The following MEGF8 variants were observed in gnomAD, a reference collection of about 807,000 sequenced individuals.
MEGF8 encodes the protein multiple epidermal growth factor-like domains protein 8.
Under a neutral mutation model 302.9 loss-of-function variants are expected in MEGF8, and 156 were observed. The ratio of observed to expected loss-of-function variants is 0.52; its 90% CI spans 0.45 to 0.59. The LOEUF is 0.59. Among genes scored for constraint, MEGF8 ranks in the 20% least tolerant of loss-of-function variants. The pLI, the probability that MEGF8 is intolerant of heterozygous loss-of-function variation, is 0.00. For synonymous variants in MEGF8, 1,621 were observed against 1,660.5 expected, an observed-to-expected ratio of 0.98 and a Z score of 0.58; for missense variants, 3,345 against 3,964.5, an observed-to-expected ratio of 0.84 and a Z score of 4.20.
Position 42,349,749 on chromosome 19 carries a change from G to C in MEGF8, c.2499+50G>C, listed in dbSNP as rs750006210. 5.1e-6 allele frequency: 8 copies of C among 1,573,808 alleles called. No homozygotes were observed. In the Admixed American group the frequency reaches 1.2e-4, roughly 23 times the overall value. The stretch of plus-strand genomic sequence containing the variant: ...ACCCTAGCCGCAGGCCCCAGCCTCA[G>C]ATCACCTGGGCTTTCTGAACCCCAG... On this transcript the variant is annotated intron_variant, in intron 14 of 41. Coordinates refer to ENST00000251268, the MANE Select transcript of MEGF8 (RefSeq NM_001271938.2).
chr19:42,335,934 G>A lies in MEGF8; in HGVS notation c.832G>A (p.Ala278Thr). 6.8e-7 allele frequency: 1 copy of A among 1,465,700 alleles called. No individual in the cohort carries two copies. Among genetic ancestry groups the A allele is most frequent in the Non-Finnish European group, 9.0e-7 (1 of 1,108,362 alleles). 90.8% of individuals were successfully genotyped at this position (1,465,700 alleles called of 1,614,324 possible). Reference sequence around the variant, plus strand: ...GTCTCTTTTCTCTTCCTCACAGGCTGCCCGTCACTCCCATGTGGCCGTGGC... The same window carrying A: ...GTCTCTTTTCTCTTCCTCACAGGCTACCCGTCACTCCCATGTGGCCGTGGC... ...ESWDLSPAPA[A>T]RHSHVAVAWA... Residue 278 changes from alanine to threonine, a missense_variant, in exon 6 of 42, where the codon GCC becomes ACC. Transcript: ENST00000251268.
rs546385556 is a variant in MEGF8, at chr19:42,351,064, C to G, written c.2737-152C>G. On this transcript the variant is annotated intron_variant, in intron 15 of 41. Coordinates refer to ENST00000251268, the MANE Select transcript of MEGF8 (RefSeq NM_001271938.2). The surrounding 1 kb of genome is among the most constrained non-coding windows in gnomAD (Gnocchi z 5.6). ...GGGCCGACCCATGGGTGTCTGTGGTCGAAGGGAGGGGTCCAGAGACGCAGG... is the reference window on the plus strand; with the variant it reads ...GGGCCGACCCATGGGTGTCTGTGGTGGAAGGGAGGGGTCCAGAGACGCAGG... 4.3e-6 allele frequency: 3 copies of G among 691,676 alleles called. No individual in the cohort carries two copies. Among genetic ancestry groups the G allele is most frequent in the South Asian group, 1.9e-5 (1 of 52,238 alleles). 42.8% of individuals were successfully genotyped at this position (691,676 alleles called of 1,614,324 possible). A position where few individuals can be genotyped will look rare whatever the true frequency, so the allele number is the denominator to read the frequency against.
At chr19:42,332,026 AT>A (rs945120896) in intron 1 of MEGF8, among the ~76,000 whole-genome samples, 2 of 134,468 alleles carry the variant, frequency 1.5e-5, no homozygotes, top group East Asian at 2.2e-4. Flanking sequence ...TAATTTTTGT[AT>A]TTTTTTTTAG....
chr19:42,327,964 G>A (rs1174815884), intron 1 of MEGF8, among the ~76,000 whole-genome samples: 14 of 152,150 alleles, frequency 9.2e-5, no homozygotes, highest in Admixed American at 5.9e-4. Context: ...GTGTGATGGC[G>A]CGCGCCTGTA....
Position 42,370,843 on chromosome 19 carries a change from CGGGGGGGGGGGGGGGGGGG to C in MEGF8, c.7136+23_7136+41del, listed in dbSNP as rs748624378. On this transcript the variant is annotated intron_variant, in intron 40 of 41. Coordinates refer to ENST00000251268, the MANE Select transcript of MEGF8 (RefSeq NM_001271938.2). ...GGGAAGTGCACCAAGTAAGAGGAAC[CGGGGGGGGGGGGGGGGGGG>C]GGGGGGGGGGAGGCCGGGGATCCCA... The C allele has an allele frequency of 0.021, 2,799 of 132,404 alleles. 356 individuals carry two copies. Among genetic ancestry groups the C allele is most frequent in the Admixed American group, 0.032 (264 of 8,278 alleles). The allele number at this position is 132,404 out of a possible 1,614,324, so 8.2% of individuals were successfully genotyped here.
intron 35 of MEGF8, among the ~76,000 whole-genome samples, chr19:42,367,306 T>G (rs981575888): frequency 6.6e-6 from 1 of 150,500 alleles, no homozygotes; most frequent in Non-Finnish European, 1.5e-5. Flanking sequence ...TTTTTTTTTT[T>G]GAGACGGAGT....
In MEGF8 at chr19:42,357,427, A is replaced by G; in HGVS notation, c.4854A>G (p.Pro1618=). The G allele has an allele frequency of 6.2e-7, 1 of 1,613,478 alleles. No homozygotes were observed. The highest frequency in any genetic ancestry group is 1.1e-5 in the South Asian group (1 of 91,062). Residue 1618 remains proline, a synonymous_variant, in exon 28 of 42, where the codon CCA becomes CCG. Transcript: ENST00000251268. This position sits in a 1 kb window ranked among gnomAD's most constrained non-coding sequence, Gnocchi z 5.2. ...AGGCCCCCCAGACCGTGGAGCTGCC[A>G]GCCGTTGCTGGTCACACCCTTACTG... ...QEKAPQTVEL[P]AVAGHTLTAR...
chr19:42,344,875 T>A lies in MEGF8; in HGVS notation c.2097+42T>A. On this transcript the variant is annotated intron_variant, in intron 12 of 41. Coordinates refer to ENST00000251268, the MANE Select transcript of MEGF8 (RefSeq NM_001271938.2). The surrounding 1 kb of genome is among the most constrained non-coding windows in gnomAD (Gnocchi z 4.5). ...GCCCTGGGTGGGGTGTTGATGATCC[T>A]GATCCTAGGGTTTGTTTTTTCTCAA... 7 of 1,489,682 alleles carry A rather than the reference T, an allele frequency of 4.7e-6. No homozygotes were observed. Among genetic ancestry groups the A allele is most frequent in the Non-Finnish European group, 6.3e-6 (7 of 1,114,952 alleles). The allele number at this position is 1,489,682 out of a possible 1,614,324, so 92.3% of individuals were successfully genotyped here. A position where few individuals can be genotyped will look rare whatever the true frequency, so the allele number is the denominator to read the frequency against.
chr19:42,336,686 G>T lies in MEGF8; in HGVS notation c.1245-121G>T. 1.4e-6 allele frequency: 2 copies of T among 1,404,000 alleles called. No individual in the cohort carries two copies. The highest frequency in any genetic ancestry group is 2.3e-5 in the East Asian group (1 of 42,854). The allele number at this position is 1,404,000 out of a possible 1,614,324, so 87.0% of individuals were successfully genotyped here. A position where few individuals can be genotyped will look rare whatever the true frequency, so the allele number is the denominator to read the frequency against. On this transcript the variant is annotated intron_variant, in intron 6 of 41. Coordinates refer to ENST00000251268, the MANE Select transcript of MEGF8 (RefSeq NM_001271938.2). The surrounding 1 kb of genome is among the most constrained non-coding windows in gnomAD (Gnocchi z 4.8). ...GCCCACAGGGAACTTCTAGTTTGGAGGGGACATAGAGTCAGTCATGGCCAG... is the reference window on the plus strand; with the variant it reads ...GCCCACAGGGAACTTCTAGTTTGGATGGGACATAGAGTCAGTCATGGCCAG...
rs1568581967 is a variant in MEGF8, at chr19:42,377,952, G to A, written c.*1177G>A. On this transcript the variant is annotated 3_prime_UTR_variant, in exon 42 of 42. Transcript: ENST00000251268. ...GAAGAATATAAATGATGGTGTGGAT[G>A]TCAGGGTGAGGGAGGAGACAAAACC... is the stretch of plus-strand genomic sequence containing the variant. The A allele has an allele frequency of 6.6e-6, 1 of 152,106 alleles. No homozygotes were observed. The highest frequency in any genetic ancestry group is 2.4e-5 in the African/African-American group (1 of 41,314). 9.4% of individuals were successfully genotyped at this position (152,106 alleles called of 1,614,324 possible). A position where few individuals can be genotyped will look rare whatever the true frequency, so the allele number is the denominator to read the frequency against.
At chr19:42,342,719 C>T (rs1257905269) in intron 8 of MEGF8, among the ~76,000 whole-genome samples, 2 of 152,060 alleles carry the variant, frequency 1.3e-5, no homozygotes, top group East Asian at 3.9e-4. Context: ...TCTAGGTGCT[C>T]ACAAAATGGC....
chr19:42,353,906 G>T lies in MEGF8; in HGVS notation c.3893G>T (p.Gly1298Val), dbSNP rs771404217. The change falls in exon 22 of 42, where the codon GGC becomes GTC. Residue 1298 changes from glycine (G) to valine (V), a missense_variant. Physicochemically the swap from Gly to Val is moderately radical, Grantham distance 109. Coordinates refer to ENST00000251268, the MANE Select transcript of MEGF8 (RefSeq NM_001271938.2). This position sits in a 1 kb window ranked among gnomAD's most constrained non-coding sequence, Gnocchi z 6.1. ...GGCGGGGCTGCAAGAGCCGGGCCTG[G>T]CCTGTCCTACTGTGTGTGGGTTGTC... is the stretch of plus-strand genomic sequence containing the variant. ...PGGGAARAGP[G>V]LSYCVWVVSA... is the part of the protein sequence containing the mutation. The T allele has an allele frequency of 2.2e-5, 35 of 1,592,164 alleles. No individual in the cohort carries two copies. The highest frequency in any genetic ancestry group is 6.7e-5 in the African/African-American group (5 of 74,498).
Position 42,353,980 on chromosome 19 carries a change from C to A in MEGF8, c.3967C>A (p.Pro1323Thr), listed in dbSNP as rs866196214. 1.3e-6 allele frequency: 2 copies of A among 1,583,074 alleles called. No individual in the cohort carries two copies. Among genetic ancestry groups the A allele is most frequent in the African/African-American group, 1.4e-5 (1 of 74,002 alleles). Reference sequence around the variant, plus strand: ...CTGTGCTCCCGGGACCCTCTGTCCCCCACTCACCCTCACCTTCTCCCCCGA... The same window carrying A: ...CTGTGCTCCCGGGACCCTCTGTCCCACACTCACCCTCACCTTCTCCCCCGA... The part of the protein sequence containing the change: ...QPCAPGTLCP[P>T]LTLTFSPDSS... The change falls in exon 22 of 42, where the codon CCA becomes ACA. Residue 1323 changes from proline (P) to threonine (T), a missense_variant. By Grantham distance (38) the Pro-to-Thr change is conservative (BLOSUM62 -1). Transcript: ENST00000251268. This position sits in a 1 kb window ranked among gnomAD's most constrained non-coding sequence, Gnocchi z 6.1.
chr19:42,357,059 C>T lies in MEGF8; in HGVS notation c.4830+78C>T. 1 of 1,380,410 alleles carries T rather than the reference C, an allele frequency of 7.2e-7. No homozygotes were observed. The highest frequency in any genetic ancestry group is 9.8e-7 in the Non-Finnish European group (1 of 1,024,490). 85.5% of individuals were successfully genotyped at this position (1,380,410 alleles called of 1,614,324 possible). ...AGACAGCTGTGGTAGCTCCTGCCAG[C>T]TCCATCCCCAGAGGAAACAGAAGCC... On this transcript the variant is annotated intron_variant, in intron 27 of 41. Transcript: ENST00000251268. This position sits in a 1 kb window ranked among gnomAD's most constrained non-coding sequence, Gnocchi z 5.2.
intron 15 of MEGF8, 25 bp downstream of exon 15, chr19:42,350,409 G>T (rs757001102): frequency 3.4e-6 from 5 of 1,476,256 alleles, no homozygotes; most frequent in Non-Finnish European, 4.5e-6. Context: ...ACCAGGGGAG[G>T]TCACAAGGTG....
At position 42,334,100 on chromosome 19, in the gene MEGF8, C is replaced by T; in HGVS notation, c.445C>T (p.His149Tyr). Residue 149 changes from histidine (H) to tyrosine (Y), a missense_variant, in exon 3 of 42, where the codon CAC (histidine) becomes TAC (tyrosine). Coordinates refer to ENST00000251268, the MANE Select transcript of MEGF8 (RefSeq NM_001271938.2). The stretch of plus-strand genomic sequence containing the variant: ...CCTGTGCCCGGGTGGCTGCCAGAGC[C>T]ACGGGCAGTGCCAGCCACCGGGTGT... Reference protein sequence around the residue: ...FSLCPGGCQSHGQCQPPGVCA... With the variant: ...FSLCPGGCQSYGQCQPPGVCA... 6.2e-7 allele frequency: 1 copy of T among 1,613,336 alleles called. No homozygotes were observed. Among genetic ancestry groups the T allele is most frequent in the Non-Finnish European group, 8.5e-7 (1 of 1,179,834 alleles).
rs745571241 is a variant in MEGF8, at chr19:42,358,768, A to G, written c.5176-19A>G. 6 of 1,505,380 alleles carry G rather than the reference A, an allele frequency of 4.0e-6. No individual in the cohort carries two copies. In the African/African-American group the frequency reaches 8.4e-5, roughly 21 times the overall value. The allele number at this position is 1,505,380 out of a possible 1,614,324, so 93.3% of individuals were successfully genotyped here. ...AGACTCGAGGAGCCTCAACCCCAGG[A>G]CGCCCCCACTGTCACTAGCGAGATC... On this transcript the variant is annotated intron_variant, in intron 29 of 41. Transcript: ENST00000251268. The surrounding 1 kb of genome is among the most constrained non-coding windows in gnomAD (Gnocchi z 4.4).
rs747359795 is a variant in MEGF8, at chr19:42,335,140, G to C, written c.664G>C (p.Asp222His). Residue 222 changes from aspartate to histidine, a missense_variant, in exon 4 of 42, where the codon GAC (aspartate) becomes CAC (histidine). Asp to His is a moderately conservative substitution (Grantham distance 81). Coordinates refer to ENST00000251268, the MANE Select transcript of MEGF8 (RefSeq NM_001271938.2). ...GTGGTGGCACAACGTGAGTGCCAGG[G>C]ACCCTGCCTTCTCTGCCCGTATTGG... ...AGWWHNVSAR[D>H]PAFSARIGAA... 1 of 1,613,842 alleles carries C rather than the reference G, an allele frequency of 6.2e-7. No individual in the cohort carries two copies. The highest frequency in any genetic ancestry group is 8.5e-7 in the Non-Finnish European group (1 of 1,179,878).
Position 42,368,429 on chromosome 19 carries a change from A to G in MEGF8, c.6274-26A>G, listed in dbSNP as rs752989696. On this transcript the variant is annotated intron_variant, in intron 35 of 41. Transcript: ENST00000251268. The surrounding 1 kb of genome is among the most constrained non-coding windows in gnomAD (Gnocchi z 4.9). ...ATTTCCCCATCTCTCTCTTCCCTGC[A>G]TCCCCATCCCCTCCCCCCCATACAG... The G allele has an allele frequency of 2.6e-6, 4 of 1,539,108 alleles. No homozygotes were observed. The highest frequency in any genetic ancestry group is 3.5e-6 in the Non-Finnish European group (4 of 1,132,426).
Sources: allele counts gnomAD v4.1 joint callset (sites outside exome capture counted in the v4.1 genomes callset), GRCh38; gene constraint gnomAD v4.1.1; non-coding constraint Gnocchi (gnomAD v3.1); transcripts MANE v1.5; gene names NCBI Gene and HGNC (gene_info 2026-07-23, HGNC 2026-07-21).